Variants in GALNT13 observed in about 807,000 individuals in gnomAD.
GALNT13 encodes the protein polypeptide N-acetylgalactosaminyltransferase 13.
GALNT13 carries 28 observed loss-of-function variants against 64.2 expected under a neutral mutation model. The observed-to-expected ratio is 0.44, with a 90% CI of 0.32 to 0.60. The LOEUF is 0.60. GALNT13 is among the 20% of genes least tolerant of loss of function. The probability of loss-of-function intolerance (pLI) is 0.05; values close to 1 mark genes in which losing one functional copy is unlikely to be tolerated. For missense variants in GALNT13, 577 were observed against 669.8 expected (o/e 0.86, Z 1.53); for synonymous variants, 214 against 224.6 (o/e 0.95, Z 0.42).
chr2:153,706,998 G>T, the GALNT13 span, among the ~76,000 whole-genome samples: 2 of 152,252 alleles, frequency 1.3e-5, no homozygotes, highest in East Asian at 3.9e-4. Flanking sequence ...CTGTTTTCAT[G>T]ATAGTGAATA....
At chr2:154,086,988 A>G (rs1024025172) in intron 3 of GALNT13, among the ~76,000 whole-genome samples, 1 of 152,058 alleles carries the variant, frequency 6.6e-6, no homozygotes, top group Non-Finnish European at 1.5e-5. Context: ...TATTGTATCG[A>G]GTGTTTGCAA....
the GALNT13 span, among the ~76,000 whole-genome samples, chr2:153,155,253 AG>A: frequency 1.3e-5 from 2 of 152,160 alleles, no homozygotes; most frequent in African/African-American, 4.8e-5. Context: ...TGTGTTAGGG[AG>A]GAGTCCCTCC....
chr2:154,047,725 C>T (rs1699360979), intron 3 of GALNT13, among the ~76,000 whole-genome samples: 1 of 152,170 alleles, frequency 6.6e-6, no homozygotes, highest in Admixed American at 6.5e-5. Flanking sequence ...ATTGTTACTA[C>T]TGGAACTTTA....
chr2:154,250,863 T>C (rs907724810), intron 7 of GALNT13, among the ~76,000 whole-genome samples: 1 of 152,006 alleles, frequency 6.6e-6, no homozygotes, highest in Non-Finnish European at 1.5e-5. Flanking sequence ...ATAAAAGATA[T>C]GAAAACAACA....
intron 9 of GALNT13, among the ~76,000 whole-genome samples, chr2:154,358,710 G>T (rs773425256): frequency 1.3e-5 from 2 of 151,872 alleles, no homozygotes; most frequent in Non-Finnish European, 2.9e-5. Context: ...ATTTACAAAT[G>T]CACATGATCT....
At chr2:153,807,256 C>T in the GALNT13 span, among the ~76,000 whole-genome samples, 15 of 145,844 alleles carry the variant, frequency 1.0e-4, no homozygotes, top group African/African-American at 3.6e-4. Context: ...TATATATATA[C>T]ATGTACATAT....
intron 3 of GALNT13, among the ~76,000 whole-genome samples, chr2:154,014,415 C>T (rs759533667): frequency 6.6e-6 from 1 of 151,996 alleles, no homozygotes; most frequent in African/African-American, 2.4e-5. Context: ...TCACAGGGCT[C>T]AACAGCCCCA....
At chr2:153,297,304 C>T in the GALNT13 span, among the ~76,000 whole-genome samples, 1 of 152,030 alleles carries the variant, frequency 6.6e-6, no homozygotes, top group Non-Finnish European at 1.5e-5. Context: ...GAATAACAAA[C>T]CTTTAAATGT....
At chr2:153,099,079 C>T in the GALNT13 span, among the ~76,000 whole-genome samples, 1 of 152,166 alleles carries the variant, frequency 6.6e-6, no homozygotes, top group East Asian at 1.9e-4. Context: ...CGCCACTGCA[C>T]TCCAGCCTGG....
At chr2:154,024,822 T>C (rs542757498) in intron 3 of GALNT13, among the ~76,000 whole-genome samples, 83 of 152,238 alleles carry the variant, frequency 5.5e-4, no homozygotes, top group African/African-American at 2.0e-3. Context: ...ATCTTTGTGG[T>C]TTTATCTACC....
the GALNT13 span, among the ~76,000 whole-genome samples, chr2:153,207,309 T>A: frequency 2.6e-5 from 4 of 152,162 alleles, no homozygotes; most frequent in African/African-American, 9.6e-5. Context: ...TTCATCTGAA[T>A]CATGTTCAGA....
At chr2:153,131,599 C>A in the GALNT13 span, among the ~76,000 whole-genome samples, 1 of 152,128 alleles carries the variant, frequency 6.6e-6, no homozygotes. Flanking sequence ...GGTGGAGCAC[C>A]ACCCATATCC....
chr2:154,029,629 G>A lies in GALNT13; in HGVS notation c.142+84990G>A, dbSNP rs143942504. Among the ~76,000 whole-genome samples, 277 of 152,128 alleles carry A rather than the reference G, an allele frequency of 1.8e-3. 1 individual carries two copies. The East Asian group carries it at 0.019, about 11-fold the overall frequency. On this transcript the variant is annotated intron_variant, in intron 3 of 12. Transcript: ENST00000392825. ...ATTTACTCATTCTTTAATGTCCTAC[G>A]CAAGATATTTAGTTTTAAACAAAAT...
At chr2:153,312,692 T>C in the GALNT13 span, among the ~76,000 whole-genome samples, 2 of 152,196 alleles carry the variant, frequency 1.3e-5, no homozygotes, top group African/African-American at 4.8e-5. Context: ...TAAAGTGTTT[T>C]TATACATTAA....
At chr2:153,938,554 CA>C (rs1181188783) in intron 2 of GALNT13, among the ~76,000 whole-genome samples, 1 of 152,122 alleles carries the variant, frequency 6.6e-6, no homozygotes, top group African/African-American at 2.4e-5. Context: ...TTTAACTAGC[CA>C]GTGTTTTAGT....
At chr2:154,423,551 C>G (rs889179971) in intron 11 of GALNT13, among the ~76,000 whole-genome samples, 1 of 152,162 alleles carries the variant, frequency 6.6e-6, no homozygotes, top group Non-Finnish European at 1.5e-5. Flanking sequence ...ATTCCTATTT[C>G]TCCACATCCT....
At chr2:153,504,227 T>A in the GALNT13 span, among the ~76,000 whole-genome samples, 2 of 152,358 alleles carry the variant, frequency 1.3e-5, 1 homozygote, top group African/African-American at 4.8e-5. Context: ...TTCTGTGCAT[T>A]AATTTTGTAT....
the GALNT13 span, among the ~76,000 whole-genome samples, chr2:153,086,391 A>C: frequency 6.6e-6 from 1 of 152,154 alleles, no homozygotes; most frequent in Non-Finnish European, 1.5e-5. Flanking sequence ...CTCACGTTGA[A>C]TTGTAATAAT....
At chr2:153,576,646 G>C in the GALNT13 span, among the ~76,000 whole-genome samples, 1 of 152,210 alleles carries the variant, frequency 6.6e-6, no homozygotes, top group Admixed American at 6.5e-5. Flanking sequence ...GATGGCACCT[G>C]CAATTCAATA....
Sources: gnomAD v4.1 joint callset for allele counts (sites outside exome capture counted in the v4.1 genomes callset) on GRCh38, gnomAD v4.1.1 for gene constraint, MANE v1.5 for transcripts, NCBI Gene and HGNC (gene_info 2026-07-23, HGNC 2026-07-21) for gene names.